Variants in GLB1 observed in about 807,000 individuals in gnomAD.
The protein encoded by GLB1 is galactosidase beta 1.
GLB1 carries 56 observed loss-of-function variants against 74.0 expected under a neutral mutation model. The ratio of observed to expected loss-of-function variants is 0.76; its 90% CI spans 0.61 to 0.94. The LOEUF (loss-of-function observed/expected upper bound fraction) is 0.94. Among genes scored for constraint, GLB1 ranks in the 40% least tolerant of loss-of-function variants. The pLI is 0.00. For synonymous variants in GLB1, 323 were observed against 323.6 expected (o/e 1.00, Z 0.02); for missense variants, 787 against 845.5 (o/e 0.93, Z 0.86).
chr3:33,074,765 A>C (rs1700048464), intron 1 of GLB1, among the ~76,000 whole-genome samples: 1 of 152,198 alleles, frequency 6.6e-6, no homozygotes, highest in Admixed American at 6.5e-5. Flanking sequence ...AGGCTTTCAA[A>C]GGTCACAATA....
At chr3:33,076,508 G>C (rs185777431) in intron 1 of GLB1, among the ~76,000 whole-genome samples, 2 of 152,060 alleles carry the variant, frequency 1.3e-5, no homozygotes, top group Admixed American at 1.3e-4. Flanking sequence ...GAAGAGATGT[G>C]GCTATGGCCC....
At chr3:33,078,893 G>C (rs1194155895) in intron 1 of GLB1, among the ~76,000 whole-genome samples, 1 of 151,936 alleles carries the variant, frequency 6.6e-6, no homozygotes, top group African/African-American at 2.4e-5. Flanking sequence ...ACCCAGGCTG[G>C]AGTGCAATGG....
At chr3:33,087,465 G>A (rs1700554027) in intron 1 of GLB1, among the ~76,000 whole-genome samples, 1 of 152,082 alleles carries the variant, frequency 6.6e-6, no homozygotes, top group African/African-American at 2.4e-5. Context: ...GGCTACTTGG[G>A]AGGCTGAGGA....
At chr3:32,994,852 C>T (rs1696279744), downstream of GLB1, among the ~76,000 whole-genome samples, 2 of 143,996 alleles carry the variant, frequency 1.4e-5, no homozygotes, top group Non-Finnish European at 3.0e-5. Flanking sequence ...ACCCAGGAGG[C>T]AAAGTTTGCA....
chr3:33,020,844 T>C (rs1697439356), intron 12 of GLB1, among the ~76,000 whole-genome samples: 1 of 151,940 alleles, frequency 6.6e-6, no homozygotes, highest in Non-Finnish European at 1.5e-5. Context: ...TGCTGTGGAG[T>C]GACATGGTGC....
chr3:32,972,970 C>G, the GLB1 span, among the ~76,000 whole-genome samples: 1 of 152,160 alleles, frequency 6.6e-6, no homozygotes, highest in East Asian at 1.9e-4. Flanking sequence ...AAACTCAAGT[C>G]ACAAAACATG....
chr3:33,067,254 C>T (rs1699722484), intron 4 of GLB1, among the ~76,000 whole-genome samples: 2 of 152,110 alleles, frequency 1.3e-5, no homozygotes, highest in Admixed American at 1.3e-4. Context: ...CCACCCACCT[C>T]GGCCTCCCAA....
At chr3:32,969,395 C>T in the GLB1 span, among the ~76,000 whole-genome samples, 1 of 152,044 alleles carries the variant, frequency 6.6e-6, no homozygotes, top group Non-Finnish European at 1.5e-5. Flanking sequence ...AATAAAGTAA[C>T]AAGGAAGAAA....
the GLB1 span, among the ~76,000 whole-genome samples, chr3:32,988,947 T>G: frequency 1.7e-4 from 24 of 137,992 alleles, no homozygotes; most frequent in Non-Finnish European, 3.2e-4. Context: ...TTCCAGGTAA[T>G]CACAATTTTA....
intron 6 of GLB1, 25 bp downstream of exon 6, chr3:33,058,064 A>C (rs774504093): frequency 2.5e-6 from 4 of 1,612,598 alleles, no homozygotes; most frequent in Admixed American, 3.3e-5. Flanking sequence ...TTTAAGCTGC[A>C]ATTTCTGTTA....
intron 13 of GLB1, 122 bp downstream of exon 13, chr3:33,018,326 A>AAAATAT: frequency 2.5e-6 from 1 of 397,144 alleles, no homozygotes; most frequent in Non-Finnish European, 4.6e-6. Context: ...AAAAAAAAAG[A>AAAATAT]TGATGGGTAG....
At chr3:33,045,800 A>G in intron 10 of GLB1, 1 of 1,174,094 alleles carries the variant, frequency 8.5e-7, no homozygotes, top group South Asian at 1.7e-5. Context: ...CTGGAAGGAG[A>G]AGAAAATGGA....
At chr3:33,065,257 C>G (rs1699624019) in intron 5 of GLB1, among the ~76,000 whole-genome samples, 1 of 152,168 alleles carries the variant, frequency 6.6e-6, no homozygotes, top group Non-Finnish European at 1.5e-5. Flanking sequence ...ATTTACAAGG[C>G]ACCCAGCACA....
In GLB1 at chr3:33,015,145, T is replaced by G. The variant is rs574847758; in HGVS notation, c.1480-835A>C. The stretch of plus-strand genomic sequence containing the variant: ...CGCTCCAGGCTGGGTGACAGCAAGA[T>G]CCTGTCTCAAGATGGAATCTGGGGA... On this transcript the variant is annotated intron_variant, in intron 14 of 15. Coordinates refer to ENST00000307363, the MANE Select transcript of GLB1 (RefSeq NM_000404.4). Among the ~76,000 whole-genome samples the G allele has an allele frequency of 8.5e-4, 129 of 152,150 alleles. 1 individual carries two copies. Among genetic ancestry groups the G allele is most frequent in the African/African-American group, 3.1e-3 (127 of 41,528 alleles).
At chr3:32,965,308 G>C in the GLB1 span, among the ~76,000 whole-genome samples, 2 of 152,208 alleles carry the variant, frequency 1.3e-5, no homozygotes, top group Admixed American at 6.5e-5. Flanking sequence ...TCAAAATGCT[G>C]ATAGTGATAT....
At chr3:33,066,717 T>C (rs1211443024) in intron 4 of GLB1, among the ~76,000 whole-genome samples, 1 of 152,170 alleles carries the variant, frequency 6.6e-6, no homozygotes, top group Admixed American at 6.5e-5. Context: ...AGGAAGGCTT[T>C]TTTTCCGTAT....
intron 10 of GLB1, chr3:33,045,467 A>G: frequency 2.0e-6 from 2 of 986,576 alleles, no homozygotes; most frequent in Non-Finnish European, 2.4e-6. Flanking sequence ...GAAATCACAT[A>G]GTCTGTATAT....
intron 12 of GLB1, 24 bp downstream of exon 12, chr3:33,021,542 G>C: frequency 6.2e-7 from 1 of 1,610,406 alleles, no homozygotes; most frequent in Non-Finnish European, 8.5e-7. Flanking sequence ...GAAAAAAGGC[G>C]AGGCATTACC....
chr3:33,002,261 A>G (rs994326707), intron 15 of GLB1, among the ~76,000 whole-genome samples: 2 of 152,116 alleles, frequency 1.3e-5, no homozygotes, highest in Admixed American at 6.6e-5. Flanking sequence ...TGTTGATCAG[A>G]CAGATACATG....
Sources: allele counts gnomAD v4.1 joint callset (sites outside exome capture counted in the v4.1 genomes callset), GRCh38; gene constraint gnomAD v4.1.1; transcripts MANE v1.5; gene names NCBI Gene and HGNC (gene_info 2026-07-23, HGNC 2026-07-21).